The following NRG3 variants were observed in gnomAD, a reference collection of about 807,000 sequenced individuals.
NRG3 encodes the protein neuregulin 3.
A neutral mutation model predicts 66.9 loss-of-function variants in NRG3; 31 were observed. The ratio of observed to expected loss-of-function variants is 0.46; its 90% CI spans 0.35 to 0.63. The LOEUF (loss-of-function observed/expected upper bound fraction) is 0.63. Ranked by LOEUF, NRG3 falls within the 20% of genes least tolerant of loss-of-function variation. The pLI is 0.00. For missense variants in NRG3, 910 were observed against 878.9 expected (o/e 1.04, Z -0.45); for synonymous variants, 393 against 359.4 (o/e 1.09, Z -1.06).
chr10:82,581,755 T>C (rs1052779547), intron 2 of NRG3, among the ~76,000 whole-genome samples: 2 of 152,022 alleles, frequency 1.3e-5, no homozygotes, highest in Non-Finnish European at 2.9e-5. Flanking sequence ...GTTATGTGTA[T>C]TTTACCACCA....
intron 2 of NRG3, among the ~76,000 whole-genome samples, chr10:82,652,225 G>A (rs1447395668): frequency 2.0e-5 from 3 of 152,172 alleles, no homozygotes; most frequent in Non-Finnish European, 4.4e-5. Context: ...AACCCATGAA[G>A]CCGCAGAGGC....
chr10:82,894,784 T>C (rs1227528328), intron 4 of NRG3, among the ~76,000 whole-genome samples: 4 of 152,042 alleles, frequency 2.6e-5, no homozygotes, highest in African/African-American at 9.7e-5. Context: ...AATGTGCAGG[T>C]TTGTTAAATA....
intron 7 of NRG3, 140 bp downstream of exon 7, chr10:82,974,055 C>A: frequency 3.4e-6 from 3 of 888,004 alleles, no homozygotes; most frequent in Non-Finnish European, 5.1e-6. Context: ...AGTAAATGCT[C>A]AAACACCTCA....
chr10:82,802,055 A>C (rs1412575547), intron 3 of NRG3, among the ~76,000 whole-genome samples: 1 of 152,226 alleles, frequency 6.6e-6, no homozygotes, highest in African/African-American at 2.4e-5. Context: ...TTCAAATAGC[A>C]TGTGAAAAAC....
chr10:82,783,494 G>C (rs2060207545), intron 3 of NRG3, among the ~76,000 whole-genome samples: 1 of 151,762 alleles, frequency 6.6e-6, no homozygotes, highest in African/African-American at 2.4e-5. Context: ...AAGCTGATAA[G>C]CAACTTCAGC....
At chr10:82,738,828 G>T (rs938305072) in intron 3 of NRG3, among the ~76,000 whole-genome samples, 178 bp downstream of exon 3, 3 of 152,182 alleles carry the variant, frequency 2.0e-5, no homozygotes, top group Admixed American at 6.5e-5. Context: ...CTCAGTCTAG[G>T]TCTTCTCTGA....
intron 1 of NRG3, among the ~76,000 whole-genome samples, chr10:82,344,532 A>G (rs2082878731): frequency 6.9e-6 from 1 of 145,860 alleles, no homozygotes; most frequent in South Asian, 2.1e-4. Flanking sequence ...ATACGTATGC[A>G]TGTGTCTTTA....
intron 4 of NRG3, among the ~76,000 whole-genome samples, chr10:82,946,128 G>C (rs1287424242): frequency 6.6e-6 from 1 of 151,416 alleles, no homozygotes; most frequent in Non-Finnish European, 1.5e-5. Context: ...GAAGAATATG[G>C]TCCCCTGAAT....
intron 8 of NRG3, among the ~76,000 whole-genome samples, chr10:82,984,172 C>T (rs955499424): frequency 1.3e-5 from 2 of 152,142 alleles, no homozygotes; most frequent in East Asian, 3.9e-4. Flanking sequence ...GTTCAAGTTC[C>T]AAAACCCCAT....
chr10:82,586,870 A>AT (rs1262704156), intron 2 of NRG3, among the ~76,000 whole-genome samples: 1 of 152,172 alleles, frequency 6.6e-6, no homozygotes, highest in Non-Finnish European at 1.5e-5. Context: ...TCAAAAAGAT[A>AT]TTTTGAAGAG....
chr10:82,301,129 G>C (rs1271728225), intron 1 of NRG3, among the ~76,000 whole-genome samples: 2 of 152,164 alleles, frequency 1.3e-5, no homozygotes, highest in African/African-American at 4.8e-5. Flanking sequence ...TTTTAACAGT[G>C]GCGTGTGACA....
intron 3 of NRG3, among the ~76,000 whole-genome samples, chr10:82,863,178 A>C (rs993494856): frequency 6.6e-6 from 1 of 152,088 alleles, no homozygotes; most frequent in African/African-American, 2.4e-5. Context: ...TGTCCCTGCA[A>C]AGGATATGAT....
intron 1 of NRG3, among the ~76,000 whole-genome samples, chr10:82,091,768 A>C (rs2066039483): frequency 6.6e-6 from 1 of 152,202 alleles, no homozygotes; most frequent in Non-Finnish European, 1.5e-5. Flanking sequence ...CATTCCTGCC[A>C]ACAATGCATA....
At chr10:82,282,460 G>C (rs1180958039) in intron 1 of NRG3, among the ~76,000 whole-genome samples, 1 of 151,940 alleles carries the variant, frequency 6.6e-6, no homozygotes. Flanking sequence ...CTCTGCGTAG[G>C]ACTCAGGGCA....
chr10:82,200,158 T>TTTAAGAATGCACATA (rs966067724), intron 1 of NRG3, among the ~76,000 whole-genome samples: 3 of 152,184 alleles, frequency 2.0e-5, no homozygotes, highest in Admixed American at 2.0e-4. Context: ...AAATATTGCA[T>TTTAAGAATGCACATA]AAATGACAAT....
chr10:81,933,143 T>C (rs2133015968), intron 1 of NRG3, among the ~76,000 whole-genome samples: 1 of 146,862 alleles, frequency 6.8e-6, no homozygotes, highest in Middle Eastern at 3.6e-3. Context: ...AAAAAAGAAA[T>C]TTGTTCTTTC....
At chr10:82,001,163 C>A (rs1249838831) in intron 1 of NRG3, among the ~76,000 whole-genome samples, 1 of 149,104 alleles carries the variant, frequency 6.7e-6, no homozygotes, top group Non-Finnish European at 1.5e-5. Flanking sequence ...GTTGTTCGGG[C>A]TCATACATTT....
At chr10:82,142,908 C>T (rs2069920149) in intron 1 of NRG3, among the ~76,000 whole-genome samples, 2 of 148,044 alleles carry the variant, frequency 1.4e-5, no homozygotes, top group Admixed American at 6.9e-5. Flanking sequence ...GTGTGTGCCA[C>T]CACACCTGGC....
intron 2 of NRG3, among the ~76,000 whole-genome samples, chr10:82,639,453 T>C (rs1035715230): frequency 9.2e-5 from 14 of 152,198 alleles, no homozygotes; most frequent in Admixed American, 8.5e-4. Flanking sequence ...ATTCAGACCA[T>C]AGCAGCTATT....
Sources: gnomAD v4.1 joint callset for allele counts (sites outside exome capture counted in the v4.1 genomes callset) on GRCh38, gnomAD v4.1.1 for gene constraint, MANE v1.5 for transcripts, NCBI Gene and HGNC (gene_info 2026-07-23, HGNC 2026-07-21) for gene names.